Variants in DST observed in about 807,000 individuals in gnomAD.
The protein encoded by DST is bullous pemphigoid antigen.
In DST, 253 loss-of-function variants were observed where a neutral mutation model predicts 875.2. That is an observed-to-expected ratio of 0.29 (90% CI 0.26 to 0.32). The LOEUF (loss-of-function observed/expected upper bound fraction) is 0.32. Ranked by LOEUF, DST falls within the 10% of genes least tolerant of loss-of-function variation. The probability of loss-of-function intolerance (pLI) is 1.00; values close to 1 mark genes in which losing one functional copy is unlikely to be tolerated. For synonymous variants in DST, 3,124 were observed against 3,197.1 expected (o/e 0.98, Z 0.77); for missense variants, 8,287 against 9,111.6 (o/e 0.91, Z 3.68).
chr6:56,922,725 T>C (rs185250835), intron 2 of DST, among the ~76,000 whole-genome samples: 1 of 152,348 alleles, frequency 6.6e-6, no homozygotes, highest in Non-Finnish European at 1.5e-5. Context: ...ATTATGGTGC[T>C]AGATTAGCAA....
chr6:56,550,272 A>G (rs1404272339), intron 61 of DST, among the ~76,000 whole-genome samples: 2 of 152,138 alleles, frequency 1.3e-5, no homozygotes, highest in Non-Finnish European at 2.9e-5. Flanking sequence ...GTTTCAAGAT[A>G]CTGAAAGTAT....
intron 5 of DST, among the ~76,000 whole-genome samples, chr6:56,721,873 C>G (rs768242977): frequency 6.6e-6 from 1 of 152,112 alleles, no homozygotes; most frequent in Non-Finnish European, 1.5e-5. Flanking sequence ...TATACAAAAC[C>G]TCACCCTAAG....
chr6:56,527,856 A>G, intron 67 of DST, 122 bp from the exon 68 acceptor site: 3 of 1,026,312 alleles, frequency 2.9e-6, no homozygotes, highest in Non-Finnish European at 4.0e-6. Flanking sequence ...TTTTCTAAAG[A>G]TAATCTTACT....
chr6:56,494,274 A>G, intron 82 of DST, 94 bp from the exon 83 acceptor site: 1 of 1,192,050 alleles, frequency 8.4e-7, no homozygotes, highest in Admixed American at 2.4e-5. Context: ...TCCTCATCAT[A>G]TATTCATCTC....
Position 56,604,197 on chromosome 6 carries a change from T to A in DST, c.10431A>T (p.Lys3477Asn). ...ELTHMEYDLEKRGITSKVLPL... is the reference protein window; with the variant it reads ...ELTHMEYDLENRGITSKVLPL... The stretch of plus-strand genomic sequence containing the variant: ...GAAGTACTTTAGACGTAATGCCTCT[T>A]TTCTCTAGGTCATACTCCATATGAG... Residue 3477 changes from lysine to asparagine, a missense_variant, in exon 40 of 104, where the codon AAA becomes AAT. Lys to Asn is a moderately conservative substitution (Grantham distance 94). This residue lies in a region of DST where 3,138 missense variants were observed against 3,116.6 expected (regional missense o/e 1.01). Transcript: ENST00000680361. 1 of 1,604,526 alleles carries A rather than the reference T, an allele frequency of 6.2e-7. No individual in the cohort carries two copies. The highest frequency in any genetic ancestry group is 8.5e-7 in the Non-Finnish European group (1 of 1,174,686).
intron 5 of DST, among the ~76,000 whole-genome samples, chr6:56,710,236 C>A (rs896459049): frequency 3.3e-5 from 5 of 152,220 alleles, no homozygotes; most frequent in Admixed American, 6.5e-5. Context: ...CATTAATGAA[C>A]CTTGGGTAAA....
chr6:56,577,255 C>T (rs1383702038), intron 50 of DST, among the ~76,000 whole-genome samples: 1 of 152,050 alleles, frequency 6.6e-6, no homozygotes, highest in Non-Finnish European at 1.5e-5. Flanking sequence ...GTCAAAATGC[C>T]TCTTCGAGTA....
chr6:56,637,132 G>T (rs1328221074), intron 22 of DST, among the ~76,000 whole-genome samples: 1 of 151,600 alleles, frequency 6.6e-6, no homozygotes, highest in Non-Finnish European at 1.5e-5. Flanking sequence ...GAAAATCAGG[G>T]CAGTAAAATT....
At chr6:56,933,857 C>G (rs1811495992) in intron 2 of DST, among the ~76,000 whole-genome samples, 1 of 152,008 alleles carries the variant, frequency 6.6e-6, no homozygotes, top group Admixed American at 6.5e-5. Flanking sequence ...AGTGGAAGAT[C>G]AGATCTTATT....
intron 61 of DST, 49 bp from the exon 62 acceptor site, chr6:56,536,989 G>A (rs570159179): frequency 7.0e-5 from 106 of 1,508,492 alleles, no homozygotes; most frequent in Non-Finnish European, 8.9e-5. Context: ...CCTATCAACC[G>A]CCAAATATAT....
chr6:56,548,111 C>G (rs1055508814), intron 61 of DST, among the ~76,000 whole-genome samples: 1 of 152,136 alleles, frequency 6.6e-6, no homozygotes, highest in Middle Eastern at 3.4e-3. Context: ...TTTGGCTTCC[C>G]TGGGCCACAC....
In DST at chr6:56,809,523, AC is replaced by A. The variant is rs111774512; in HGVS notation, c.625+41873del. On this transcript the variant is annotated intron_variant, in intron 4 of 103. Coordinates refer to ENST00000680361, the MANE Select transcript of DST (RefSeq NM_001374736.1). ...ATTCTTATATAGTCAAACATTAGAAACCAAAGAAATTAGAGCCTGCAATATA... is the reference window on the plus strand; with the variant it reads ...ATTCTTATATAGTCAAACATTAGAAACAAAGAAATTAGAGCCTGCAATATA... Among the ~76,000 whole-genome samples the A allele has an allele frequency of 8.6e-3, 1,306 of 152,342 alleles. 24 individuals are homozygous for A. Among genetic ancestry groups the A allele is most frequent in the African/African-American group, 0.03 (1,260 of 41,570 alleles).
chr6:56,798,802 C>T (rs563503440), intron 4 of DST, among the ~76,000 whole-genome samples: 179 of 152,166 alleles, frequency 1.2e-3, no homozygotes, highest in African/African-American at 4.0e-3. Flanking sequence ...ATTCATGATT[C>T]ATGGGAGGAG....
At chr6:56,923,174 A>C (rs1010687579) in intron 2 of DST, among the ~76,000 whole-genome samples, 6 of 152,176 alleles carry the variant, frequency 3.9e-5, no homozygotes, top group Admixed American at 3.9e-4. Flanking sequence ...ACAGTTATAA[A>C]TTAAAGGAGA....
At chr6:56,770,882 C>T (rs1393423353) in intron 4 of DST, among the ~76,000 whole-genome samples, 1 of 151,928 alleles carries the variant, frequency 6.6e-6, no homozygotes, top group East Asian at 1.9e-4. Context: ...TGCCTGTAAT[C>T]CCAGCTACTT....
intron 45 of DST, 83 bp from the exon 46 acceptor site, chr6:56,598,792 G>C: frequency 1.3e-6 from 1 of 791,788 alleles, no homozygotes; most frequent in East Asian, 2.7e-5. Flanking sequence ...AAAAGACAGA[G>C]TGAGTACAGA....
rs2096847724 is a variant in DST, at chr6:56,528,876, A to G, written c.17645T>C (p.Leu5882Ser). Residue 5882 changes from leucine (L) to serine (S), a missense_variant, in exon 67 of 104, where the codon TTA (leucine) becomes TCA (serine). Coordinates refer to ENST00000680361, the MANE Select transcript of DST (RefSeq NM_001374736.1). ...TTTAAGTAGTTCTAAACCATTTAGT[A>G]AAGCCTGATCTACATTTTGTTTCCT... ...LLRKQNVDQA[L>S]LNGLELLKQT... 1.3e-6 allele frequency: 2 copies of G among 1,587,094 alleles called. No homozygotes were observed. Among genetic ancestry groups the G allele is most frequent in the Non-Finnish European group, 1.7e-6 (2 of 1,164,492 alleles).
intron 36 of DST, among the ~76,000 whole-genome samples, chr6:56,623,039 T>A (rs777827130): frequency 6.6e-6 from 1 of 152,220 alleles, no homozygotes; most frequent in African/African-American, 2.4e-5. Flanking sequence ...ATTAACGTAA[T>A]GTTAAGTGGT....
At position 56,606,879 on chromosome 6, in the gene DST, TTCA is replaced by T. The variant is rs764121580; in HGVS notation, c.7746_7748del (p.Asp2582del). ...TTTCATAGTCACTAGCACTGATGGT[TTCA>T]TCAAGCAATGGTGTAGCACAAGTAA... On this transcript the variant is annotated inframe_deletion, in exon 40 of 104. Coordinates refer to ENST00000680361, the MANE Select transcript of DST (RefSeq NM_001374736.1). The T allele has an allele frequency of 6.2e-7, 1 of 1,613,336 alleles. No homozygotes were observed. Among genetic ancestry groups the T allele is most frequent in the Non-Finnish European group, 8.5e-7 (1 of 1,179,568 alleles).
Sources: gnomAD v4.1 joint callset for allele counts (sites outside exome capture counted in the v4.1 genomes callset) on GRCh38, gnomAD v4.1.1 for gene constraint, gnomAD v4.1.1 regional missense constraint, MANE v1.5 for transcripts, NCBI Gene and HGNC (gene_info 2026-07-23, HGNC 2026-07-21) for gene names.